The following ASGR2 variants were observed in gnomAD, a reference collection of about 807,000 sequenced individuals.
The protein encoded by ASGR2 is asialoglycoprotein receptor 2.
A neutral mutation model predicts 32.3 loss-of-function variants in ASGR2; 34 were observed. That is an observed-to-expected ratio of 1.05 (90% confidence interval 0.80 to 1.40). ASGR2 has a LOEUF of 1.40. Ranked by LOEUF, ASGR2 falls within the 40% of genes most tolerant of loss-of-function variation. The probability of loss-of-function intolerance (pLI) is 0.00; values close to 1 mark genes in which losing one functional copy is unlikely to be tolerated. For missense variants in ASGR2, 385 were observed against 386.4 expected, an observed-to-expected ratio of 1.00 and a Z score of 0.03; for synonymous variants, 143 against 150.0, an observed-to-expected ratio of 0.95 and a Z score of 0.34.
intron 2 of ASGR2, 137 bp from the exon 3 acceptor site, chr17:7,109,025 T>C (rs1418037839): frequency 2.3e-6 from 2 of 875,466 alleles, no homozygotes; most frequent in African/African-American, 3.4e-5. Flanking sequence ...ATCATAGGCT[T>C]TGACCCCAGC....
intron 8 of ASGR2, 95 bp downstream of exon 8, chr17:7,101,995 G>A (rs1912890156): frequency 3.9e-6 from 5 of 1,290,800 alleles, no homozygotes; most frequent in African/African-American, 1.5e-5. Context: ...GGGGAATTTG[G>A]TCCCTGAGGG....
intron 7 of ASGR2, among the ~76,000 whole-genome samples, chr17:7,106,220 A>G (rs1233070622): frequency 6.6e-6 from 1 of 152,224 alleles, no homozygotes; most frequent in Non-Finnish European, 1.5e-5. Context: ...AAACAAAAGG[A>G]TGGACAGAGA....
chr17:7,107,553 A>G lies in ASGR2; in HGVS notation c.410-236T>C, dbSNP rs1023679478. ...GACACACCACACACATCACATGCGT[A>G]CACACACATATACCATACCGCACAC... On this transcript the variant is annotated intron_variant, in intron 5 of 8. Coordinates refer to ENST00000691900, the MANE Select transcript of ASGR2 (RefSeq NM_001201352.2). This position sits in a 1 kb window ranked among gnomAD's most constrained non-coding sequence, Gnocchi z 5.0. 1 of 610,340 alleles carries G rather than the reference A, an allele frequency of 1.6e-6. No individual in the cohort carries two copies. Among genetic ancestry groups the G allele is most frequent in the African/African-American group, 1.9e-5 (1 of 52,186 alleles). 37.8% of individuals were successfully genotyped at this position (610,340 alleles called of 1,614,324 possible).
At position 7,108,923 on chromosome 17, in the gene ASGR2, G is replaced by A; in HGVS notation, c.125-35C>T. ...AGGGGCATCAGGAGCCGGCAGCCTG[G>A]GTGTGGGGAGCCGGAGGGTAAAGAC... On this transcript the variant is annotated intron_variant, in intron 2 of 8. Transcript: ENST00000691900. The surrounding 1 kb of genome is among the most constrained non-coding windows in gnomAD (Gnocchi z 4.9). 2 of 1,552,772 alleles carry A rather than the reference G, an allele frequency of 1.3e-6. No homozygotes were observed. The highest frequency in any genetic ancestry group is 1.7e-6 in the Non-Finnish European group (2 of 1,148,170).
At chr17:7,101,804 C>T (rs72837637) in intron 8 of ASGR2, 64 bp from the exon 9 acceptor site, 118,526 of 1,567,278 alleles carry the variant, frequency 0.076, 5,001 homozygotes, top group African/African-American at 0.15. Context: ...ACCCATCCTC[C>T]TCCTCTTCAT....
chr17:7,106,972 C>T, intron 7 of ASGR2, 28 bp downstream of exon 7: 1 of 1,613,550 alleles, frequency 6.2e-7, no homozygotes, highest in Non-Finnish European at 8.5e-7. Context: ...CAAGGGCTTC[C>T]TCCTGCCTGT....
rs1018703963 is a variant in ASGR2, at chr17:7,107,954, C to T, written c.338-47G>A. ...TTTCCCCGCTGAGCCTCCCTCCGTC[C>T]TCATGCTGCTGGGGGACCGGGGGCC... On this transcript the variant is annotated intron_variant, in intron 4 of 8. Coordinates refer to ENST00000691900, the MANE Select transcript of ASGR2 (RefSeq NM_001201352.2). The surrounding 1 kb of genome is among the most constrained non-coding windows in gnomAD (Gnocchi z 5.0). The T allele has an allele frequency of 3.1e-6, 5 of 1,608,154 alleles. No individual in the cohort carries two copies. In the South Asian group the frequency reaches 3.3e-5, roughly 11 times the overall value.
chr17:7,101,457 T>C lies in ASGR2; in HGVS notation c.*118A>G. ...ACTCTTAAACTACCTCCTTTCTCTCTTTGCTCAGCTCTTCCCCATACCCCT... is the reference window on the plus strand; with the variant it reads ...ACTCTTAAACTACCTCCTTTCTCTCCTTGCTCAGCTCTTCCCCATACCCCT... On this transcript the variant is annotated 3_prime_UTR_variant, in exon 9 of 9. Transcript: ENST00000691900. 1 of 1,366,092 alleles carries C rather than the reference T, an allele frequency of 7.3e-7. No individual in the cohort carries two copies. The highest frequency in any genetic ancestry group is 2.4e-5 in the East Asian group (1 of 40,850). 84.6% of individuals were successfully genotyped at this position (1,366,092 alleles called of 1,614,324 possible). A position where few individuals can be genotyped will look rare whatever the true frequency, so the allele number is the denominator to read the frequency against.
chr17:7,105,981 G>A (rs1913618836), intron 7 of ASGR2, among the ~76,000 whole-genome samples: 1 of 151,922 alleles, frequency 6.6e-6, no homozygotes, highest in South Asian at 2.1e-4. Flanking sequence ...TACAGATAGG[G>A]TTTCACCATT....
intron 2 of ASGR2, among the ~76,000 whole-genome samples, chr17:7,110,440 T>A (rs763047591): frequency 1.3e-5 from 2 of 152,174 alleles, no homozygotes; most frequent in Non-Finnish European, 2.9e-5. Flanking sequence ...GAGGGTCCTG[T>A]CCTGCTTCCC....
At chr17:7,104,067 G>A (rs1192862295) in intron 7 of ASGR2, among the ~76,000 whole-genome samples, 2 of 148,208 alleles carry the variant, frequency 1.3e-5, no homozygotes, top group Non-Finnish European at 3.0e-5. Context: ...AAAAAAAAAA[G>A]CCCAGGTGTG....
In ASGR2 at chr17:7,101,741, C is replaced by T. The variant is rs1912848357; in HGVS notation, c.756-1G>A. ...ATCTGGCTGAGTGACAGCCCAGTTCCTAAGGAGGCAAGAGAAAACTCGGAC... is the reference window on the plus strand; with the variant it reads ...ATCTGGCTGAGTGACAGCCCAGTTCTTAAGGAGGCAAGAGAAAACTCGGAC... On this transcript the variant is annotated splice_acceptor_variant, in intron 8 of 8. Coordinates refer to ENST00000691900, the MANE Select transcript of ASGR2 (RefSeq NM_001201352.2). LOFTEE classifies it high-confidence loss of function. 3.1e-6 allele frequency: 5 copies of T among 1,612,652 alleles called. No homozygotes were observed. Among genetic ancestry groups the T allele is most frequent in the Non-Finnish European group, 4.2e-6 (5 of 1,179,168 alleles).
Position 7,108,918 on chromosome 17 carries a change from G to A in ASGR2, c.125-30C>T, listed in dbSNP as rs907253957. On this transcript the variant is annotated intron_variant, in intron 2 of 8. Coordinates refer to ENST00000691900, the MANE Select transcript of ASGR2 (RefSeq NM_001201352.2). The surrounding 1 kb of genome is among the most constrained non-coding windows in gnomAD (Gnocchi z 4.9). ...GGGAGAGGGGCATCAGGAGCCGGCA[G>A]CCTGGGTGTGGGGAGCCGGAGGGTA... 1 of 1,544,454 alleles carries A rather than the reference G, an allele frequency of 6.5e-7. No homozygotes were observed. The highest frequency in any genetic ancestry group is 8.7e-7 in the Non-Finnish European group (1 of 1,143,598).
In ASGR2 at chr17:7,107,096, G is replaced by C. The variant is rs1281056975; in HGVS notation, c.552C>G (p.Tyr184Ter). Residue 184 changes from tyrosine (Y) to a stop codon, truncating the protein, a stop_gained, in exon 7 of 9, where the codon TAC becomes TAG. Coordinates refer to ENST00000691900, the MANE Select transcript of ASGR2 (RefSeq NM_001201352.2). LOFTEE classifies it high-confidence loss of function. This position sits in a 1 kb window ranked among gnomAD's most constrained non-coding sequence, Gnocchi z 5.0. ...AGGCCTTCCCGGAGTGAGAGAACCAGTAGCAGCTGCCTTGGTGCTCCACCC... is the reference window on the plus strand; with the variant it reads ...AGGCCTTCCCGGAGTGAGAGAACCACTAGCAGCTGCCTTGGTGCTCCACCC... ...VNWVEHQGSC[Y>*]WFSHSGKAWA... 6.2e-7 allele frequency: 1 copy of C among 1,614,170 alleles called. No homozygotes were observed. The highest frequency in any genetic ancestry group is 8.5e-7 in the Non-Finnish European group (1 of 1,180,032).
At chr17:7,114,826 C>T (rs548443821), upstream of ASGR2, 3 of 987,842 alleles carry the variant, frequency 3.0e-6, no homozygotes, top group Admixed American at 6.0e-5. The surrounding 1 kb of genome is among the most constrained non-coding windows in gnomAD (Gnocchi z 4.5). Flanking sequence ...GGACAGTAAA[C>T]AGAAGAGGAA....
chr17:7,111,472 T>G (rs314235), intron 2 of ASGR2, among the ~76,000 whole-genome samples: 2 of 151,440 alleles, frequency 1.3e-5, no homozygotes, highest in Non-Finnish European at 2.9e-5. Flanking sequence ...CTGGCTAACA[T>G]GGTGAAACCC....
chr17:7,107,809 G>A lies in ASGR2; in HGVS notation c.409+27C>T, dbSNP rs768965041. ...CGCACACGTACACATGCACGCACAT[G>A]CGCACACACCCCGGAGGCTCTCTGA... On this transcript the variant is annotated intron_variant, in intron 5 of 8. Coordinates refer to ENST00000691900, the MANE Select transcript of ASGR2 (RefSeq NM_001201352.2). The surrounding 1 kb of genome is among the most constrained non-coding windows in gnomAD (Gnocchi z 5.0). 2.5e-6 allele frequency: 4 copies of A among 1,612,938 alleles called. No homozygotes were observed. The Admixed American group carries it at 5.0e-5, about 20-fold the overall frequency.
At position 7,102,276 on chromosome 17, in the gene ASGR2, C is replaced by G. The variant is rs936711744; in HGVS notation, c.649-80G>C. 3 of 1,222,898 alleles carry G rather than the reference C, an allele frequency of 2.5e-6. No individual in the cohort carries two copies. In the African/African-American group the frequency reaches 4.5e-5, roughly 18 times the overall value. The allele number at this position is 1,222,898 out of a possible 1,614,324, so 75.8% of individuals were successfully genotyped here. On this transcript the variant is annotated intron_variant, in intron 7 of 8. Coordinates refer to ENST00000691900, the MANE Select transcript of ASGR2 (RefSeq NM_001201352.2). ...CCATGCAGGCATGGAACTGTGGCCC[C>G]TCTCAGCCTTCCCCAGCCTGATCTG...
intron 7 of ASGR2, 68 bp downstream of exon 7, chr17:7,106,932 G>A (rs986861540): frequency 6.7e-5 from 103 of 1,536,748 alleles, no homozygotes; most frequent in Non-Finnish European, 9.1e-5. Context: ...GATAAAATAA[G>A]CCTGATCCAG....
Sources: gnomAD v4.1 joint callset for allele counts (sites outside exome capture counted in the v4.1 genomes callset) on GRCh38, gnomAD v4.1.1 for gene constraint, Gnocchi (gnomAD v3.1) non-coding constraint, MANE v1.5 for transcripts, NCBI Gene and HGNC (gene_info 2026-07-23, HGNC 2026-07-21) for gene names.